Variants in KIAA0825 observed in about 807,000 individuals in gnomAD.
The protein encoded by KIAA0825 is uncharacterized protein KIAA0825.
Under a neutral mutation model 147.6 loss-of-function variants are expected in KIAA0825, and 119 were observed. That is an observed-to-expected ratio of 0.81 (90% CI 0.69 to 0.94). The LOEUF is 0.94. Ranked by LOEUF, KIAA0825 falls within the 40% of genes least tolerant of loss-of-function variation. KIAA0825 has a pLI of 0.00. For synonymous variants in KIAA0825, 470 were observed against 518.1 expected (o/e 0.91, Z 1.26); for missense variants, 1,381 against 1,472.7 (o/e 0.94, Z 1.02).
At chr5:94,389,972 A>G (rs141235422) in intron 18 of KIAA0825, among the ~76,000 whole-genome samples, 1 of 152,228 alleles carries the variant, frequency 6.6e-6, no homozygotes, top group African/African-American at 2.4e-5. Flanking sequence ...AAATATACTC[A>G]GTTGTAACAA....
chr5:94,498,723 A>C (rs560769041), intron 5 of KIAA0825, among the ~76,000 whole-genome samples: 3 of 152,340 alleles, frequency 2.0e-5, no homozygotes, highest in Non-Finnish European at 4.4e-5. Flanking sequence ...CCTATGCGCC[A>C]GTCACAGTTT....
At chr5:94,296,733 C>T (rs1778155461) in intron 20 of KIAA0825, among the ~76,000 whole-genome samples, 1 of 152,138 alleles carries the variant, frequency 6.6e-6, no homozygotes, top group Non-Finnish European at 1.5e-5. Flanking sequence ...AGGGCTGCAA[C>T]CACTGTCTAA....
chr5:94,339,757 C>T (rs1384708288), intron 20 of KIAA0825, among the ~76,000 whole-genome samples: 1 of 152,300 alleles, frequency 6.6e-6, no homozygotes, highest in East Asian at 1.9e-4. Flanking sequence ...AAACCTTATA[C>T]AATTAGGACA....
At chr5:94,286,037 C>T (rs1450414260) in intron 20 of KIAA0825, among the ~76,000 whole-genome samples, 2 of 152,142 alleles carry the variant, frequency 1.3e-5, no homozygotes, top group African/African-American at 4.8e-5. Flanking sequence ...ATTCTGCTAC[C>T]TGAGTGGCAC....
chr5:94,199,795 G>A (rs1162510934), intron 20 of KIAA0825, among the ~76,000 whole-genome samples: 1 of 152,174 alleles, frequency 6.6e-6, no homozygotes, highest in Non-Finnish European at 1.5e-5. Context: ...GCAGCAAAGT[G>A]CGCACCAGTG....
chr5:94,327,781 GCAGATCATGAGGT>G (rs1167536734), intron 20 of KIAA0825, among the ~76,000 whole-genome samples: 1 of 152,122 alleles, frequency 6.6e-6, no homozygotes, highest in Non-Finnish European at 1.5e-5. Context: ...GCTGAGGTGG[GCAGATCATGAGGT>G]CAAGAGATCA....
At chr5:94,438,596 C>A (rs1329039719) in intron 14 of KIAA0825, among the ~76,000 whole-genome samples, 1 of 151,982 alleles carries the variant, frequency 6.6e-6, no homozygotes, top group Non-Finnish European at 1.5e-5. Context: ...TTGTGATGAC[C>A]TTTGGCACCA....
chr5:94,219,502 GT>G (rs1038771727), intron 20 of KIAA0825, among the ~76,000 whole-genome samples: 3 of 152,112 alleles, frequency 2.0e-5, no homozygotes, highest in African/African-American at 7.2e-5. Flanking sequence ...TTTAAATACA[GT>G]TACGTACTGC....
intron 13 of KIAA0825, among the ~76,000 whole-genome samples, chr5:94,445,308 A>C (rs1757590225): frequency 6.6e-6 from 1 of 152,208 alleles, no homozygotes; most frequent in Non-Finnish European, 1.5e-5. Flanking sequence ...TCTGAAATAT[A>C]TAGCTCTTTA....
intron 20 of KIAA0825, among the ~76,000 whole-genome samples, chr5:94,266,912 A>G (rs1249895355): frequency 1.3e-5 from 2 of 152,200 alleles, no homozygotes; most frequent in Non-Finnish European, 2.9e-5. Flanking sequence ...AAGAATATAT[A>G]AGAGTCCTTA....
chr5:94,584,116 C>T (rs1215516026), intron 1 of KIAA0825, among the ~76,000 whole-genome samples: 1 of 152,104 alleles, frequency 6.6e-6, no homozygotes, highest in Non-Finnish European at 1.5e-5. Flanking sequence ...TTCCAAAAGC[C>T]AGAATGCCTC....
At chr5:94,260,190 G>A (rs1012381387) in intron 20 of KIAA0825, among the ~76,000 whole-genome samples, 1 of 152,050 alleles carries the variant, frequency 6.6e-6, no homozygotes, top group Admixed American at 6.6e-5. Flanking sequence ...CATCAGGTTT[G>A]CAATAGAATT....
At chr5:94,524,201 G>T (rs1768818191) in intron 3 of KIAA0825, 103 bp from the exon 4 acceptor site, 5 of 565,958 alleles carry the variant, frequency 8.8e-6, no homozygotes. Flanking sequence ...ACCTGGCTTT[G>T]TACAATTTAC....
intron 2 of KIAA0825, among the ~76,000 whole-genome samples, chr5:94,565,811 A>T (rs115454584): frequency 0.01 from 1,582 of 152,326 alleles, 32 homozygotes; most frequent in African/African-American, 0.037. Context: ...ATTTTATGAC[A>T]TAGGTATACA....
chr5:94,603,855 T>C (rs1275824386), intron 1 of KIAA0825, among the ~76,000 whole-genome samples: 1 of 152,212 alleles, frequency 6.6e-6, no homozygotes, highest in Non-Finnish European at 1.5e-5. Context: ...GGTAAAGGGT[T>C]CGATTCAATA....
At chr5:94,199,910 G>C (rs1444949771) in intron 20 of KIAA0825, among the ~76,000 whole-genome samples, 1 of 152,196 alleles carries the variant, frequency 6.6e-6, no homozygotes, top group Non-Finnish European at 1.5e-5. Flanking sequence ...CTGAGGCTGT[G>C]CTGTAAGTTG....
intron 12 of KIAA0825, among the ~76,000 whole-genome samples, chr5:94,458,134 A>C (rs1463280554): frequency 1.3e-5 from 2 of 152,226 alleles, no homozygotes; most frequent in African/African-American, 4.8e-5. Flanking sequence ...GATTTTAAAC[A>C]GAATTCTAAG....
At chr5:94,382,399 C>G (rs894400414) in intron 20 of KIAA0825, among the ~76,000 whole-genome samples, 2 of 152,152 alleles carry the variant, frequency 1.3e-5, no homozygotes, top group African/African-American at 2.4e-5. Flanking sequence ...TAACAATTTC[C>G]TTACCGGTTC....
intron 20 of KIAA0825, among the ~76,000 whole-genome samples, chr5:94,322,899 G>A (rs2150251153): frequency 6.6e-6 from 1 of 151,454 alleles, no homozygotes; most frequent in East Asian, 1.9e-4. Flanking sequence ...GACAGCAAGG[G>A]CATTCTGTGA....
Sources: gnomAD v4.1 joint callset for allele counts (sites outside exome capture counted in the v4.1 genomes callset) on GRCh38, gnomAD v4.1.1 for gene constraint, MANE v1.5 for transcripts, NCBI Gene and HGNC (gene_info 2026-07-23, HGNC 2026-07-21) for gene names.